Variants in MACROD2 observed in about 807,000 individuals in gnomAD.
The protein encoded by MACROD2 is mono-ADP ribosylhydrolase 2.
A neutral mutation model predicts 70.4 loss-of-function variants in MACROD2; 36 were observed. That is an observed-to-expected ratio of 0.51 (90% CI 0.39 to 0.68). The LOEUF (loss-of-function observed/expected upper bound fraction) is 0.68. Among genes scored for constraint, MACROD2 ranks in the 30% least tolerant of loss-of-function variants. The probability of loss-of-function intolerance (pLI) is 0.00; values close to 1 mark genes in which losing one functional copy is unlikely to be tolerated. For synonymous variants in MACROD2, 172 were observed against 178.8 expected (o/e 0.96, Z 0.30); for missense variants, 496 against 538.4 (o/e 0.92, Z 0.78).
rs554213099 is a variant in MACROD2 at position 15,896,999 on chromosome 20, CT to C, written c.775+11197del. On this transcript the variant is annotated intron_variant, in intron 10 of 17. Coordinates refer to ENST00000684519, the MANE Select transcript of MACROD2 (RefSeq NM_001351661.2). ...AATTCTAACTCCCCATAATTTAGAC[CT>C]TTTTTTTTCTTACAAAAAGTTGAAA... 2.7e-3 allele frequency among the ~76,000 whole-genome samples: 405 copies of C among 151,386 alleles called. 1 individual carries two copies. Among genetic ancestry groups the C allele is most frequent in the African/African-American group, 3.2e-3 (134 of 41,256 alleles).
At chr20:15,231,251 G>A (rs1003146131) in intron 6 of MACROD2, among the ~76,000 whole-genome samples, 20 of 151,760 alleles carry the variant, frequency 1.3e-4, no homozygotes, top group Non-Finnish European at 2.4e-4. Flanking sequence ...AATTTTGTTC[G>A]CAAATGGCTC....
chr20:14,708,471 C>T (rs1326082807), intron 5 of MACROD2, among the ~76,000 whole-genome samples: 2 of 152,200 alleles, frequency 1.3e-5, no homozygotes, highest in African/African-American at 2.4e-5. Context: ...TTCTTGACAA[C>T]TCTCTACTTG....
At position 15,843,102 on chromosome 20, in the gene MACROD2, G is replaced by A. The variant is rs117516401; in HGVS notation, c.646-19643G>A. 9.6e-3 allele frequency among the ~76,000 whole-genome samples: 1,468 copies of A among 152,182 alleles called. 9 individuals are homozygous for A. Among genetic ancestry groups the A allele is most frequent in the Admixed American group, 0.014 (213 of 15,280 alleles). On this transcript the variant is annotated intron_variant, in intron 8 of 17. Coordinates refer to ENST00000684519, the MANE Select transcript of MACROD2 (RefSeq NM_001351661.2). ...GCTGTACCACACTCACCTCCACTCT[G>A]GACACTATGAGTGTAATAGTGACTT... is the stretch of plus-strand genomic sequence containing the variant.
intron 15 of MACROD2, among the ~76,000 whole-genome samples, chr20:16,018,868 A>T (rs1282947225): frequency 6.6e-6 from 1 of 152,132 alleles, no homozygotes; most frequent in Non-Finnish European, 1.5e-5. Flanking sequence ...ATATGCCTTC[A>T]TGACTTAACT....
At chr20:14,369,907 C>G (rs1486007036) in intron 3 of MACROD2, among the ~76,000 whole-genome samples, 1 of 152,076 alleles carries the variant, frequency 6.6e-6, no homozygotes, top group African/African-American at 2.4e-5. Flanking sequence ...CAAAAATAAT[C>G]TTTTTGCAAG....
chr20:14,564,827 AC>A (rs1268839616), intron 4 of MACROD2, among the ~76,000 whole-genome samples: 1 of 151,982 alleles, frequency 6.6e-6, no homozygotes, highest in Non-Finnish European at 1.5e-5. Flanking sequence ...CATGTATCCT[AC>A]TTCTGGGTAT....
At chr20:14,645,533 T>C (rs1985341719) in intron 4 of MACROD2, among the ~76,000 whole-genome samples, 1 of 152,090 alleles carries the variant, frequency 6.6e-6, no homozygotes, top group South Asian at 2.1e-4. Context: ...TTATAATCTT[T>C]TAAAATGTTT....
chr20:15,153,769 G>A (rs2076287893), intron 5 of MACROD2, among the ~76,000 whole-genome samples: 1 of 152,160 alleles, frequency 6.6e-6, no homozygotes, highest in Non-Finnish European at 1.5e-5. Context: ...GTAGGGCCTG[G>A]AAAGCATATG....
chr20:15,561,607 A>C (rs953788415), intron 8 of MACROD2, among the ~76,000 whole-genome samples: 9 of 151,736 alleles, frequency 5.9e-5, no homozygotes, highest in African/African-American at 2.2e-4. Flanking sequence ...GTGAAAATCA[A>C]TTTTTTTTTA....
intron 3 of MACROD2, among the ~76,000 whole-genome samples, chr20:14,226,360 G>C (rs1038469606): frequency 6.6e-6 from 1 of 152,236 alleles, no homozygotes; most frequent in Non-Finnish European, 1.5e-5. Flanking sequence ...AGTCCTCACA[G>C]CCTTCGCTCG....
At chr20:14,491,626 C>T (rs1290908970) in intron 3 of MACROD2, among the ~76,000 whole-genome samples, 1 of 152,180 alleles carries the variant, frequency 6.6e-6, no homozygotes, top group Non-Finnish European at 1.5e-5. Flanking sequence ...ATCTATTGGA[C>T]AAGTGCCTGG....
intron 12 of MACROD2, among the ~76,000 whole-genome samples, chr20:15,943,237 A>G (rs1032275219): frequency 6.6e-6 from 1 of 152,214 alleles, no homozygotes; most frequent in Non-Finnish European, 1.5e-5. Flanking sequence ...AGGCTTGGCC[A>G]GTGGTGTGGA....
chr20:15,994,498 A>G (rs925599501), intron 15 of MACROD2, among the ~76,000 whole-genome samples: 1 of 152,236 alleles, frequency 6.6e-6, no homozygotes, highest in Non-Finnish European at 1.5e-5. Context: ...TAGTTATGAT[A>G]CTGCTAAAAC....
intron 5 of MACROD2, among the ~76,000 whole-genome samples, chr20:14,813,097 TA>T (rs1272552588): frequency 2.6e-5 from 4 of 152,100 alleles, no homozygotes; most frequent in Admixed American, 6.6e-5. Flanking sequence ...TATGATTTAC[TA>T]ACAAGTATTA....
rs998130522 is a variant in MACROD2 at position 15,866,267 on chromosome 20, A to G, written c.727+3441A>G. ...ATTAGCTGAGAGTGGTGGTGCATAC[A>G]TACCTACAGTCCCAGCTACTCAGGA... On this transcript the variant is annotated intron_variant, in intron 9 of 17. Coordinates refer to ENST00000684519, the MANE Select transcript of MACROD2 (RefSeq NM_001351661.2). Among the ~76,000 whole-genome samples the G allele has an allele frequency of 2.6e-5, 4 of 152,182 alleles. No homozygotes were observed. In the South Asian group the frequency reaches 6.2e-4, roughly 24 times the overall value.
intron 5 of MACROD2, among the ~76,000 whole-genome samples, chr20:15,071,426 C>T (rs2075618519): frequency 6.6e-6 from 1 of 152,144 alleles, no homozygotes; most frequent in Non-Finnish European, 1.5e-5. Flanking sequence ...AGATTCATGC[C>T]TTCCTTCCCT....
At chr20:14,175,221 A>G (rs1478610408) in intron 3 of MACROD2, among the ~76,000 whole-genome samples, 2 of 151,886 alleles carry the variant, frequency 1.3e-5, no homozygotes, top group Non-Finnish European at 2.9e-5. Context: ...ATTTTTTCCC[A>G]CATCTTAGCC....
chr20:15,976,508 C>G (rs2066308566), intron 13 of MACROD2, among the ~76,000 whole-genome samples: 1 of 152,258 alleles, frequency 6.6e-6, no homozygotes, highest in East Asian at 1.9e-4. Context: ...AAAGCTTGCC[C>G]CCATGGGGCC....
intron 10 of MACROD2, among the ~76,000 whole-genome samples, chr20:15,917,723 A>G (rs2065339932): frequency 6.6e-6 from 1 of 152,212 alleles, no homozygotes; most frequent in South Asian, 2.1e-4. Flanking sequence ...AATTCTCAAA[A>G]CCAAAAAAAT....
Sources: allele counts gnomAD v4.1 joint callset (sites outside exome capture counted in the v4.1 genomes callset), GRCh38; gene constraint gnomAD v4.1.1; transcripts MANE v1.5; gene names NCBI Gene and HGNC (gene_info 2026-07-23, HGNC 2026-07-21).